TBC1D22B: variants seen among roughly 807,000 people sequenced by gnomAD.
TBC1D22B encodes TBC1 domain family member 22B.
In TBC1D22B, 32 loss-of-function variants were observed where a neutral mutation model predicts 69.1. That is an observed-to-expected ratio of 0.46 (90% CI 0.35 to 0.62). The LOEUF (loss-of-function observed/expected upper bound fraction) is 0.62. TBC1D22B is among the 20% of genes least tolerant of loss of function. The pLI is 0.00. For synonymous variants in TBC1D22B, 206 were observed against 229.8 expected (o/e 0.90, Z 0.94); for missense variants, 462 against 630.9 (o/e 0.73, Z 2.87).
chr6:37,322,729 C>T (rs183669475), intron 12 of TBC1D22B, among the ~76,000 whole-genome samples: 1 of 152,272 alleles, frequency 6.6e-6, no homozygotes, highest in East Asian at 1.9e-4. Context: ...TGTCAGACCT[C>T]GGGACAGGAA....
chr6:37,318,959 A>G (rs901140309), intron 12 of TBC1D22B, among the ~76,000 whole-genome samples: 3 of 152,314 alleles, frequency 2.0e-5, no homozygotes, highest in East Asian at 3.9e-4. Context: ...AAAGCCAGAG[A>G]AAGTTGAATG....
chr6:37,329,467 A>C (rs567543011), intron 12 of TBC1D22B, among the ~76,000 whole-genome samples: 1 of 152,354 alleles, frequency 6.6e-6, no homozygotes, highest in South Asian at 2.1e-4. Flanking sequence ...CTTTGTACAC[A>C]CAGTAGTGTG....
At position 37,327,294 on chromosome 6, in the gene TBC1D22B, C is replaced by T. The variant is rs373123652; in HGVS notation, c.1390-3750C>T. On this transcript the variant is annotated intron_variant, in intron 12 of 12. Transcript: ENST00000373491. ...GAGATCGAGACCATCCTGGCTAACACGGTGAAACCCCGTCTCTACTAAAAA... is the reference window on the plus strand; with the variant it reads ...GAGATCGAGACCATCCTGGCTAACATGGTGAAACCCCGTCTCTACTAAAAA... Among the ~76,000 whole-genome samples, 69 of 110,756 alleles carry T rather than the reference C, an allele frequency of 6.2e-4. 2 individuals are homozygous for T. In the South Asian group the frequency reaches 0.011, roughly 18 times the overall value. 72.7% of individuals were successfully genotyped at this position (110,756 alleles called of 152,430 possible). A position where few individuals can be genotyped will look rare whatever the true frequency, so the allele number is the denominator to read the frequency against.
chr6:37,328,821 G>C (rs1455302702), intron 12 of TBC1D22B, among the ~76,000 whole-genome samples: 1 of 152,060 alleles, frequency 6.6e-6, no homozygotes, highest in Non-Finnish European at 1.5e-5. Flanking sequence ...CCGCCTCCCA[G>C]ATTGAAGCAG....
chr6:37,291,248 T>C lies in TBC1D22B; in HGVS notation c.873T>C (p.Phe291=). Residue 291 remains phenylalanine, a synonymous_variant, in exon 8 of 13, where the codon TTT becomes TTC. Transcript: ENST00000373491. ...TTTCTTTCTCATTTTCCTAGATCTTTGAAAGAATTCTATTTATTTGGGCCA... is the reference window on the plus strand; with the variant it reads ...TTTCTTTCTCATTTTCCTAGATCTTCGAAAGAATTCTATTTATTTGGGCCA... ...LFQQPLVQEI[F]ERILFIWAIR... is the part of the protein sequence containing the mutation. 2 of 1,610,096 alleles carry C rather than the reference T, an allele frequency of 1.2e-6. No individual in the cohort carries two copies. Among genetic ancestry groups the C allele is most frequent in the Non-Finnish European group, 1.7e-6 (2 of 1,176,382 alleles).
intron 12 of TBC1D22B, among the ~76,000 whole-genome samples, chr6:37,322,062 A>G (rs1768267663): frequency 6.6e-6 from 1 of 152,176 alleles, no homozygotes; most frequent in Admixed American, 6.5e-5. Flanking sequence ...GATGTGGGTC[A>G]TTTTTACATA....
intron 1 of TBC1D22B, among the ~76,000 whole-genome samples, chr6:37,266,599 T>G (rs1766280803): frequency 6.6e-6 from 1 of 151,990 alleles, no homozygotes; most frequent in South Asian, 2.1e-4. Flanking sequence ...GTAGTTGGGA[T>G]TACAGGTGCC....
intron 6 of TBC1D22B, among the ~76,000 whole-genome samples, 195 bp downstream of exon 6, chr6:37,284,659 T>A (rs1328529675): frequency 6.6e-6 from 1 of 152,226 alleles, no homozygotes; most frequent in Non-Finnish European, 1.5e-5. Context: ...ATAGACAGAC[T>A]TTTTTGGCAC....
intron 8 of TBC1D22B, among the ~76,000 whole-genome samples, chr6:37,310,019 TTATAAAA>T (rs1767853075): frequency 6.8e-6 from 1 of 147,170 alleles, no homozygotes; most frequent in South Asian, 2.1e-4. Flanking sequence ...TAAATATATA[TTATAAAA>T]TATAAAATTA....
chr6:37,306,125 C>A (rs190336420), intron 8 of TBC1D22B, among the ~76,000 whole-genome samples: 1 of 152,174 alleles, frequency 6.6e-6, no homozygotes, highest in East Asian at 1.9e-4. Flanking sequence ...GACAGTGGTG[C>A]GTCCAGTGCT....
chr6:37,295,739 A>G, intron 8 of TBC1D22B: 1 of 313,870 alleles, frequency 3.2e-6, no homozygotes, highest in South Asian at 3.4e-5. Context: ...CCCCAGCCAA[A>G]GTTCCACATG....
intron 1 of TBC1D22B, among the ~76,000 whole-genome samples, chr6:37,258,409 C>G (rs897915630): frequency 6.6e-6 from 1 of 152,122 alleles, no homozygotes; most frequent in Non-Finnish European, 1.5e-5. Context: ...TCGGCACTTA[C>G]CCGAAGGATT....
At chr6:37,298,793 C>T (rs1324619424) in intron 8 of TBC1D22B, among the ~76,000 whole-genome samples, 1 of 152,104 alleles carries the variant, frequency 6.6e-6, no homozygotes, top group Non-Finnish European at 1.5e-5. Flanking sequence ...GATCCGCCCA[C>T]CTCGGCCTCC....
rs1459073517 is a variant in TBC1D22B, at chr6:37,313,869, A to G, written c.1143A>G (p.Glu381=). 1.9e-6 allele frequency: 3 copies of G among 1,613,694 alleles called. No individual in the cohort carries two copies. In the African/African-American group the frequency reaches 4.0e-5, roughly 22 times the overall value. Residue 381 remains glutamate (E), a synonymous_variant, in exon 10 of 13, where the codon GAA becomes GAG. Transcript: ENST00000373491. ...TCCAGAAGAAGGTGAAGGCACTGGA[A>G]GAGCTTGTCAGCCGGATTGATGGTA... The part of the protein sequence containing the change: ...PGIQKKVKAL[E]ELVSRIDEQV...
At chr6:37,284,198 TG>T in intron 5 of TBC1D22B, 137 bp from the exon 6 acceptor site, 1 of 1,317,360 alleles carries the variant, frequency 7.6e-7, no homozygotes, top group Non-Finnish European at 1.1e-6. Flanking sequence ...AAAAAATGGG[TG>T]GCCAGAACCA....
intron 2 of TBC1D22B, among the ~76,000 whole-genome samples, chr6:37,273,995 C>A (rs1766586033): frequency 6.6e-6 from 1 of 152,196 alleles, no homozygotes; most frequent in South Asian, 2.1e-4. Flanking sequence ...TGTGTATTGA[C>A]TTTAATTTGC....
chr6:37,279,733 A>G (rs1272849024), intron 3 of TBC1D22B, 122 bp downstream of exon 3: 2 of 1,057,786 alleles, frequency 1.9e-6, no homozygotes, highest in African/African-American at 1.6e-5. Flanking sequence ...AATAAACTCA[A>G]GCCTGAGATG....
At chr6:37,309,998 C>G (rs1554186616) in intron 8 of TBC1D22B, among the ~76,000 whole-genome samples, 5 of 144,248 alleles carry the variant, frequency 3.5e-5, no homozygotes. Flanking sequence ...ATAATTTAAA[C>G]TGTTAATATA....
At position 37,284,355 on chromosome 6, in the gene TBC1D22B, C is replaced by G. The variant is rs765439478; in HGVS notation, c.692C>G (p.Thr231Ser). The G allele has an allele frequency of 4.3e-6, 7 of 1,614,168 alleles. No individual in the cohort carries two copies. The South Asian group carries it at 7.7e-5, about 18-fold the overall frequency. Residue 231 changes from threonine (T) to serine (S), a missense_variant, in exon 6 of 13, where the codon ACT (threonine) becomes AGT (serine). Thr to Ser is a moderately conservative substitution (Grantham distance 58, BLOSUM62 1). This residue lies in a region of TBC1D22B where 225 missense variants were observed against 375.4 expected (regional missense o/e 0.60). Coordinates refer to ENST00000373491, the MANE Select transcript of TBC1D22B (RefSeq NM_017772.4). ...RLLSGYLPAN[T>S]ERRKLTLQRK... ...CTATAGGGCTATCTCCCAGCAAACA[C>G]TGAGAGGAGGAAGTTGACCCTGCAG...
Sources: allele counts gnomAD v4.1 joint callset (sites outside exome capture counted in the v4.1 genomes callset), GRCh38; gene constraint gnomAD v4.1.1; regional missense constraint gnomAD v4.1.1; transcripts MANE v1.5; gene names NCBI Gene and HGNC (gene_info 2026-07-23, HGNC 2026-07-21).